The following CLIC1 variants were observed in gnomAD, a reference collection of about 807,000 sequenced individuals.
The protein encoded by CLIC1 is chloride intracellular channel protein 1.
In CLIC1, 16 loss-of-function variants were observed where a neutral mutation model predicts 26.4. The ratio of observed to expected loss-of-function variants is 0.61; its 90% CI spans 0.41 to 0.92. The LOEUF is 0.92. Ranked by LOEUF, CLIC1 falls within the 40% of genes least tolerant of loss-of-function variation. The probability of loss-of-function intolerance (pLI) is 0.00; values close to 1 mark genes in which losing one functional copy is unlikely to be tolerated. For missense variants in CLIC1, 225 were observed against 289.7 expected, an observed-to-expected ratio of 0.78 and a Z score of 1.62; for synonymous variants, 98 against 120.8, an observed-to-expected ratio of 0.81 and a Z score of 1.24.
chr6:31,731,597 C>T (rs899852674), intron 5 of CLIC1, among the ~76,000 whole-genome samples: 3 of 152,250 alleles, frequency 2.0e-5, no homozygotes, highest in African/African-American at 7.2e-5. Context: ...CCACCACGCC[C>T]GGCCCATCTG....
At chr6:31,735,807 C>CCACACACA (rs9281564) in intron 1 of CLIC1, among the ~76,000 whole-genome samples, 17,544 of 124,628 alleles carry the variant, frequency 0.14, 1,298 homozygotes, top group South Asian at 0.23. Context: ...GCGTCTCCAT[C>CCACACACA]CACACACACA....
Position 31,735,510 on chromosome 6 carries a change from T to G in CLIC1, c.39+752A>C, listed in dbSNP as rs558065714. 1.3e-4 allele frequency among the ~76,000 whole-genome samples: 19 copies of G among 151,858 alleles called. 1 individual carries two copies. The South Asian group carries it at 3.8e-3, about 30-fold the overall frequency. On this transcript the variant is annotated intron_variant, in intron 1 of 5. Coordinates refer to ENST00000375784, the Ensembl canonical transcript of CLIC1. ...GAGGAGAGAGTTGGGGCAAGTCTTC[T>G]ACTTCTCCAACCCCCAAATCCCAAA...
chr6:31,733,483 C>A lies in CLIC1; in HGVS notation c.382+83G>T. 1.1e-6 allele frequency: 1 copy of A among 921,830 alleles called. No individual in the cohort carries two copies. 57.1% of individuals were successfully genotyped at this position (921,830 alleles called of 1,614,324 possible). The stretch of plus-strand genomic sequence containing the variant: ...CTGCTTCATCTCCCTGATATCTGAA[C>A]GTCCAGGTGCCCCTAATGTCTCCTA... On this transcript the variant is annotated intron_variant, in intron 4 of 5. Transcript: ENST00000375784. This position sits in a 1 kb window ranked among gnomAD's most constrained non-coding sequence, Gnocchi z 5.4.
At chr6:31,731,040 A>T in intron 5 of CLIC1, 37 bp from the exon 6 acceptor site, 1 of 1,597,458 alleles carries the variant, frequency 6.3e-7, no homozygotes, top group Non-Finnish European at 8.5e-7. Flanking sequence ...AACATGTTAG[A>T]CCCAGGGAAG....
chr6:31,734,042 A>G lies in CLIC1; in HGVS notation c.150-81T>C. 6.3e-7 allele frequency: 1 copy of G among 1,596,212 alleles called. No homozygotes were observed. The highest frequency in any genetic ancestry group is 8.6e-7 in the Non-Finnish European group (1 of 1,166,954). ...GGGGGAATGGAGGACGTGGGATAAG[A>G]AAGGGACTCCAGGGGGAGGGCAAAA... On this transcript the variant is annotated intron_variant, in intron 2 of 5. Transcript: ENST00000375784. The surrounding 1 kb of genome is among the most constrained non-coding windows in gnomAD (Gnocchi z 5.3).
In CLIC1 at chr6:31,734,402, G is replaced by A. The variant is rs1426219833; in HGVS notation, c.40-139C>T. 7 of 681,748 alleles carry A rather than the reference G, an allele frequency of 1.0e-5. No individual in the cohort carries two copies. The highest frequency in any genetic ancestry group is 7.4e-5 in the Admixed American group (3 of 40,300). 42.2% of individuals were successfully genotyped at this position (681,748 alleles called of 1,614,324 possible). A position where few individuals can be genotyped will look rare whatever the true frequency, so the allele number is the denominator to read the frequency against. ...ACTGTCCCCTCACTATGGGCTCTTTGCCCTTGGGCCTGGGTCAAACCTAAG... is the reference window on the plus strand; with the variant it reads ...ACTGTCCCCTCACTATGGGCTCTTTACCCTTGGGCCTGGGTCAAACCTAAG... On this transcript the variant is annotated intron_variant, in intron 1 of 5. Transcript: ENST00000375784. This position sits in a 1 kb window ranked among gnomAD's most constrained non-coding sequence, Gnocchi z 5.3.
In CLIC1 at chr6:31,736,207, A is replaced by G. The variant is rs1396425052; in HGVS notation, c.39+55T>C. On this transcript the variant is annotated intron_variant, in intron 1 of 5. Coordinates refer to ENST00000375784, the Ensembl canonical transcript of CLIC1. This position sits in a 1 kb window ranked among gnomAD's most constrained non-coding sequence, Gnocchi z 5.0. ...GGGGAGTTAAGGCTGGACCGGGGGAAAGGTGAGAGTTGGCTTCCAGGAATT... is the reference window on the plus strand; with the variant it reads ...GGGGAGTTAAGGCTGGACCGGGGGAGAGGTGAGAGTTGGCTTCCAGGAATT... 3 of 1,580,960 alleles carry G rather than the reference A, an allele frequency of 1.9e-6. No individual in the cohort carries two copies. The highest frequency in any genetic ancestry group is 8.7e-7 in the Non-Finnish European group (1 of 1,151,076).
chr6:31,732,272 C>A lies in CLIC1; in HGVS notation c.509G>T (p.Gly170Val). 6.3e-7 allele frequency: 1 copy of A among 1,596,840 alleles called. No homozygotes were observed. The highest frequency in any genetic ancestry group is 8.5e-7 in the Non-Finnish European group (1 of 1,172,128). ...GCAGTCAGCCAGGGTGAGCTCGTTG[C>A]CATCCAAAAACTTCCTCTGAGAGAC... Residue 170 changes from glycine to valine, a missense_variant, in exon 5 of 6, where the codon GGC (glycine) becomes GTC (valine). Gly to Val is a moderately radical substitution (Grantham distance 109). Coordinates refer to ENST00000375784, the Ensembl canonical transcript of CLIC1. This position sits in a 1 kb window ranked among gnomAD's most constrained non-coding sequence, Gnocchi z 5.0.
Position 31,733,955 on chromosome 6 carries a change from G to A in CLIC1, c.156C>T (p.Thr52=), listed in dbSNP as rs770471599. 9.3e-6 allele frequency: 15 copies of A among 1,612,516 alleles called. No homozygotes were observed. The highest frequency in any genetic ancestry group is 3.3e-5 in the South Asian group (3 of 91,070). ...CTGGGCACAGCTTCTGCACTGTCTC[G>A]GTCCGCCTGGAGAAAGGATCAGGAA... Residue 52 remains threonine (T), a synonymous_variant, in exon 3 of 6, where the codon ACC becomes ACT. Transcript: ENST00000375784. This position sits in a 1 kb window ranked among gnomAD's most constrained non-coding sequence, Gnocchi z 5.4.
chr6:31,731,046 G>A (rs1312017769), intron 5 of CLIC1, 43 bp from the exon 6 acceptor site: 13 of 1,589,784 alleles, frequency 8.2e-6, no homozygotes, highest in African/African-American at 1.3e-5. Context: ...TTAGACCCAG[G>A]GAAGCCACCT....
At chr6:31,736,640 C>A, upstream of CLIC1, 1 of 1,196,146 alleles carries the variant, frequency 8.4e-7, no homozygotes, top group Non-Finnish European at 1.1e-6. The surrounding 1 kb of genome is among the most constrained non-coding windows in gnomAD (Gnocchi z 5.0). Flanking sequence ...TCGGATCTCC[C>A]ACAGGATGGG....
rs770418303 is a variant in CLIC1 at position 31,734,172 on chromosome 6, G to C, written c.131C>G (p.Thr44Ser). The C allele has an allele frequency of 6.2e-7, 1 of 1,613,508 alleles. No homozygotes were observed. Among genetic ancestry groups the C allele is most frequent in the Non-Finnish European group, 8.5e-7 (1 of 1,179,400 alleles). The stretch of plus-strand genomic sequence containing the variant: ...GGCCTACCTTTTGGTGTCAACGGTG[G>C]TAACATTGAAGGTGACTCCCTTGAG... Residue 44 changes from threonine to serine, a missense_variant, in exon 2 of 6, where the codon ACC becomes AGC. Transcript: ENST00000375784. This position sits in a 1 kb window ranked among gnomAD's most constrained non-coding sequence, Gnocchi z 5.3.
chr6:31,736,699 C>G, upstream of CLIC1: 6 of 1,046,242 alleles, frequency 5.7e-6, no homozygotes, highest in Non-Finnish European at 7.0e-6. The surrounding 1 kb of genome is among the most constrained non-coding windows in gnomAD (Gnocchi z 5.0). Context: ...TTTCTCCGAC[C>G]TCTCCTGAAC....
Position 31,733,364 on chromosome 6 carries a change from C to A in CLIC1, c.382+202G>T, listed in dbSNP as rs1238743171. 6.6e-6 allele frequency among the ~76,000 whole-genome samples: 1 copy of A among 151,966 alleles called. No individual in the cohort carries two copies. The highest frequency in any genetic ancestry group is 1.9e-4 in the East Asian group (1 of 5,174). On this transcript the variant is annotated intron_variant, in intron 4 of 5. Transcript: ENST00000375784. The surrounding 1 kb of genome is among the most constrained non-coding windows in gnomAD (Gnocchi z 5.4). The stretch of plus-strand genomic sequence containing the variant: ...CAGTGGGGCAGAAGAGGCTAGGGAA[C>A]AAATGAGAAAAGCTTAAAAGTCTTG...
Position 31,730,623 on chromosome 6 carries a change from A to C in CLIC1, c.*219T>G. ...ATTTTTATTCTGTATTTTATTACTG[A>C]AATATGTTGTCCTACTCATCCCACC... On this transcript the variant is annotated 3_prime_UTR_variant, in exon 6 of 6. Transcript: ENST00000375784. The surrounding 1 kb of genome is among the most constrained non-coding windows in gnomAD (Gnocchi z 5.1). 1 of 558,266 alleles carries C rather than the reference A, an allele frequency of 1.8e-6. No individual in the cohort carries two copies. Among genetic ancestry groups the C allele is most frequent in the African/African-American group, 1.9e-5 (1 of 53,142 alleles). 34.6% of individuals were successfully genotyped at this position (558,266 alleles called of 1,614,324 possible). A position where few individuals can be genotyped will look rare whatever the true frequency, so the allele number is the denominator to read the frequency against.
Position 31,732,663 on chromosome 6 carries a change from A to G in CLIC1, c.383-265T>C, listed in dbSNP as rs1808056051. Among the ~76,000 whole-genome samples the G allele has an allele frequency of 6.6e-6, 1 of 151,868 alleles. No individual in the cohort carries two copies. On this transcript the variant is annotated intron_variant, in intron 4 of 5. Coordinates refer to ENST00000375784, the Ensembl canonical transcript of CLIC1. The surrounding 1 kb of genome is among the most constrained non-coding windows in gnomAD (Gnocchi z 5.0). ...TAGATTCAAATGATTCTCCTGCCTC[A>G]GCCTCCTGAGTAGCTGGGATTACAG...
At position 31,736,290 on chromosome 6, in the gene CLIC1, T is replaced by C. The variant is rs1393414624; in HGVS notation, c.11A>G (p.Glu4Gly). 3 of 1,495,570 alleles carry C rather than the reference T, an allele frequency of 2.0e-6. No homozygotes were observed. The highest frequency in any genetic ancestry group is 2.8e-6 in the Non-Finnish European group (3 of 1,086,742). The allele number at this position is 1,495,570 out of a possible 1,614,324, so 92.6% of individuals were successfully genotyped here. ...CACGAACAATTCGACCTGCGGTTGT[T>C]CTTCAGCCATGGTTGCGTCGGGGAC... is the stretch of plus-strand genomic sequence containing the variant. Residue 4 changes from glutamate to glycine, a missense_variant, in exon 1 of 6, where the codon GAA (glutamate) becomes GGA (glycine). Transcript: ENST00000375784. This position sits in a 1 kb window ranked among gnomAD's most constrained non-coding sequence, Gnocchi z 5.0.
chr6:31,731,675 G>A (rs1807960275), intron 5 of CLIC1, among the ~76,000 whole-genome samples: 1 of 152,228 alleles, frequency 6.6e-6, no homozygotes, highest in Non-Finnish European at 1.5e-5. Context: ...CCCTTTGAGA[G>A]CAAGGCCCAG....
chr6:31,732,475 CTAATGG>C lies in CLIC1; in HGVS notation c.383-83_383-78del. ...CGAAAAGGCCCGTTGGGGGTGGATA[CTAATGG>C]TGAGTCCAAAATAATAATAGCTAAC... On this transcript the variant is annotated intron_variant, in intron 4 of 5. Transcript: ENST00000375784. This position sits in a 1 kb window ranked among gnomAD's most constrained non-coding sequence, Gnocchi z 5.0. 2 of 1,065,932 alleles carry C rather than the reference CTAATGG, an allele frequency of 1.9e-6. No individual in the cohort carries two copies. The highest frequency in any genetic ancestry group is 2.6e-6 in the Non-Finnish European group (2 of 781,646). 66.0% of individuals were successfully genotyped at this position (1,065,932 alleles called of 1,614,324 possible).
Sources: gnomAD v4.1 joint callset for allele counts (sites outside exome capture counted in the v4.1 genomes callset) on GRCh38, gnomAD v4.1.1 for gene constraint, Gnocchi (gnomAD v3.1) non-coding constraint, MANE v1.5 for transcripts, NCBI Gene and HGNC (gene_info 2026-07-23, HGNC 2026-07-21) for gene names.